PLXNA4: variants seen among roughly 807,000 people sequenced by gnomAD.
PLXNA4 encodes the protein plexin A4.
In PLXNA4, 44 loss-of-function variants were observed where a neutral mutation model predicts 191.8. The observed-to-expected ratio is 0.23, with a 90% CI of 0.18 to 0.29. The LOEUF (loss-of-function observed/expected upper bound fraction) is 0.29. PLXNA4 is among the 10% of genes least tolerant of loss of function. The pLI is 1.00. For synonymous variants in PLXNA4, 1,082 were observed against 1,009.5 expected, an observed-to-expected ratio of 1.07 and a Z score of -1.36; for missense variants, 1,800 against 2,488.8, an observed-to-expected ratio of 0.72 and a Z score of 5.89.
intron 23 of PLXNA4, 150 bp downstream of exon 23, chr7:132,164,984 G>A: frequency 8.2e-7 from 1 of 1,222,642 alleles, no homozygotes; most frequent in South Asian, 1.7e-5. Flanking sequence ...TGTCTTCCTA[G>A]ACAGTCCATG....
intron 9 of PLXNA4, among the ~76,000 whole-genome samples, chr7:132,219,221 T>C (rs2116937314): frequency 6.6e-6 from 1 of 152,180 alleles, no homozygotes; most frequent in African/African-American, 2.4e-5. Flanking sequence ...TCCAAGAGAG[T>C]GGGCCTTGGG....
rs112688761 is a variant in PLXNA4 at position 132,593,547 on chromosome 7, CAGG to C, written c.-87+52378_-87+52380del. Among the ~76,000 whole-genome samples, 34 of 152,318 alleles carry C rather than the reference CAGG, an allele frequency of 2.2e-4. 1 individual carries two copies. The highest frequency in any genetic ancestry group is 7.9e-4 in the African/African-American group (33 of 41,580). Reference sequence around the variant, plus strand: ...AGGCAGGGAGTCCAGGAGGATGGCTCAGGAGAAGGCCCCATGAGGCCACCCTAC... The same window carrying C: ...AGGCAGGGAGTCCAGGAGGATGGCTCAGAAGGCCCCATGAGGCCACCCTAC... On this transcript the variant is annotated intron_variant, in intron 2 of 4. Transcript: ENST00000378539.
intron 3 of PLXNA4, among the ~76,000 whole-genome samples, chr7:132,432,464 C>G (rs992944004): frequency 6.6e-6 from 1 of 152,146 alleles, no homozygotes; most frequent in African/African-American, 2.4e-5. Flanking sequence ...TTTTTCTAGT[C>G]CCAGATATAA....
At chr7:132,240,799 C>A (rs568427281) in intron 5 of PLXNA4, among the ~76,000 whole-genome samples, 63 of 152,308 alleles carry the variant, frequency 4.1e-4, no homozygotes, top group African/African-American at 1.5e-3. Context: ...TGTATGATTG[C>A]CCAGCATGAC....
intron 4 of PLXNA4, among the ~76,000 whole-genome samples, chr7:132,269,987 T>A (rs1021382685): frequency 5.3e-5 from 8 of 151,992 alleles, no homozygotes; most frequent in Admixed American, 5.2e-4. Context: ...ACAGGAATAA[T>A]AAAAAACACC....
At chr7:132,547,712 C>T (rs967602523) in intron 1 of PLXNA4, among the ~76,000 whole-genome samples, 6 of 152,094 alleles carry the variant, frequency 3.9e-5, no homozygotes, top group African/African-American at 1.4e-4. Flanking sequence ...GGGAGGCAGT[C>T]AAAGCCATCA....
chr7:132,289,220 C>T (rs75119699), intron 4 of PLXNA4, among the ~76,000 whole-genome samples: 1 of 152,244 alleles, frequency 6.6e-6, no homozygotes. Flanking sequence ...AGGGACAGGA[C>T]AACATGGACA....
intron 3 of PLXNA4, among the ~76,000 whole-genome samples, chr7:132,390,261 AT>A (rs1805346619): frequency 6.6e-6 from 1 of 152,138 alleles, no homozygotes; most frequent in South Asian, 2.1e-4. Context: ...GTTCCTATCC[AT>A]TGCAGGGACA....
intron 3 of PLXNA4, chr7:132,383,907 G>C (rs1805003420): frequency 1.0e-6 from 1 of 985,392 alleles, no homozygotes; most frequent in Non-Finnish European, 1.2e-6. Context: ...GTTTCACATG[G>C]AACTCCTGGG....
intron 3 of PLXNA4, among the ~76,000 whole-genome samples, chr7:132,375,819 GA>G (rs1804636830): frequency 6.6e-6 from 1 of 152,202 alleles, no homozygotes; most frequent in Admixed American, 6.5e-5. Context: ...GCATGTGGGG[GA>G]ACAAAGCACA....
intron 1 of PLXNA4, among the ~76,000 whole-genome samples, chr7:132,561,888 GCCTTCTCCTTCT>G (rs769423064): frequency 3.8e-5 from 2 of 52,806 alleles, no homozygotes; most frequent in Admixed American, 2.1e-4. Context: ...CTTCTCCTCT[GCCTTCTCCTTCT>G]CCTTCTCCTC....
chr7:132,242,958 T>C (rs1448175268), intron 4 of PLXNA4, among the ~76,000 whole-genome samples: 3 of 152,208 alleles, frequency 2.0e-5, no homozygotes, highest in African/African-American at 7.2e-5. Flanking sequence ...ATATAAATAG[T>C]GGCTCCTAAC....
chr7:132,368,639 G>A (rs567980307), intron 3 of PLXNA4, among the ~76,000 whole-genome samples: 3 of 152,300 alleles, frequency 2.0e-5, no homozygotes, highest in Non-Finnish European at 4.4e-5. Flanking sequence ...GGTGTGGCGC[G>A]TCCTGCTGGG....
In PLXNA4 at chr7:132,123,550, T is replaced by A. The variant is rs183696179; in HGVS notation, c.*6929A>T. The stretch of plus-strand genomic sequence containing the variant: ...TTTTAAAAACTTTTTAATTTTTTTT[T>A]AATATTTTACTAGGATACTCTTCTT... On this transcript the variant is annotated 3_prime_UTR_variant, in exon 32 of 32. Transcript: ENST00000321063. The A allele has an allele frequency of 7.0e-4, 107 of 152,230 alleles. 1 individual carries two copies. The highest frequency in any genetic ancestry group is 4.2e-3 in the East Asian group (22 of 5,180). 9.4% of individuals were successfully genotyped at this position (152,230 alleles called of 1,614,324 possible). A position where few individuals can be genotyped will look rare whatever the true frequency, so the allele number is the denominator to read the frequency against.
chr7:132,305,925 G>C (rs1363244389), intron 3 of PLXNA4, among the ~76,000 whole-genome samples: 3 of 152,126 alleles, frequency 2.0e-5, no homozygotes, highest in Non-Finnish European at 4.4e-5. Flanking sequence ...GCTGGGCCCA[G>C]GTATAAGAAT....
At chr7:132,484,743 A>T in intron 3 of PLXNA4, 1 of 1,588,472 alleles carries the variant, frequency 6.3e-7, no homozygotes, top group Non-Finnish European at 8.6e-7. Flanking sequence ...TGACACTTCC[A>T]TCCATCTGCA....
chr7:132,151,526 A>AG (rs1362156611), intron 25 of PLXNA4, among the ~76,000 whole-genome samples: 27 of 83,068 alleles, frequency 3.3e-4, no homozygotes, highest in Non-Finnish European at 3.8e-4. Flanking sequence ...GAGGAGGAGG[A>AG]GAAAGGAGGA....
intron 5 of PLXNA4, among the ~76,000 whole-genome samples, chr7:132,235,551 G>A (rs73155299): frequency 0.039 from 5,876 of 152,282 alleles, 179 homozygotes; most frequent in Non-Finnish European, 0.059. Flanking sequence ...GAAGAGGCAG[G>A]GTCGTGAGGG....
chr7:132,631,207 A>G (rs897227380), intron 2 of PLXNA4, among the ~76,000 whole-genome samples: 1 of 152,178 alleles, frequency 6.6e-6, no homozygotes, highest in African/African-American at 2.4e-5. Context: ...TGGCATTTAA[A>G]TTGCTTCCCT....
Sources: gnomAD v4.1 joint callset for allele counts (sites outside exome capture counted in the v4.1 genomes callset) on GRCh38, gnomAD v4.1.1 for gene constraint, MANE v1.5 for transcripts, NCBI Gene and HGNC (gene_info 2026-07-23, HGNC 2026-07-21) for gene names.